The following ERBB4 variants were observed in gnomAD, a reference collection of about 807,000 sequenced individuals.
The protein encoded by ERBB4 is receptor tyrosine-protein kinase erbB-4.
ERBB4 carries 42 observed loss-of-function variants against 158.0 expected under a neutral mutation model. That is an observed-to-expected ratio of 0.27 (90% confidence interval 0.21 to 0.34). ERBB4 has a LOEUF of 0.34. Among genes scored for constraint, ERBB4 ranks in the 10% least tolerant of loss-of-function variants. The pLI, the probability that ERBB4 is intolerant of heterozygous loss-of-function variation, is 1.00. For synonymous variants in ERBB4, 583 were observed against 558.7 expected, an observed-to-expected ratio of 1.04 and a Z score of -0.61; for missense variants, 1,333 against 1,624.1, an observed-to-expected ratio of 0.82 and a Z score of 3.08.
Position 211,705,324 on chromosome 2 carries a change from T to C in ERBB4, c.1192A>G (p.Ile398Val), listed in dbSNP as rs780160217. 3 of 1,606,666 alleles carry C rather than the reference T, an allele frequency of 1.9e-6. No individual in the cohort carries two copies. The South Asian group carries it at 3.3e-5, about 18-fold the overall frequency. ...TTGCAGTTTAAAAAATTACCTGTTATCTCTCTGACTGTCCGAAAGACGTTC... is the reference window on the plus strand; with the variant it reads ...TTGCAGTTTAAAAAATTACCTGTTACCTCTCTGACTGTCCGAAAGACGTTC... ...KLNVFRTVRE[I>V]TGFLNIQSWP... The change falls in exon 10 of 28, where the codon ATA becomes GTA. Residue 398 changes from isoleucine to valine, a missense_variant. Physicochemically the swap from Ile to Val is conservative, Grantham distance 29. Coordinates refer to ENST00000342788, the MANE Select transcript of ERBB4 (RefSeq NM_005235.3).
At chr2:211,506,650 A>G (rs1221594278) in intron 20 of ERBB4, among the ~76,000 whole-genome samples, 2 of 152,084 alleles carry the variant, frequency 1.3e-5, no homozygotes, top group Non-Finnish European at 2.9e-5. Context: ...CTTATTTCTG[A>G]ATGACTTTTG....
chr2:211,424,338 A>G, intron 22 of ERBB4, 37 bp from the exon 23 acceptor site: 1 of 1,530,190 alleles, frequency 6.5e-7, no homozygotes. Flanking sequence ...AAGCATATTA[A>G]CAACATATGT....
intron 14 of ERBB4, among the ~76,000 whole-genome samples, chr2:211,671,658 C>T (rs2071844885): frequency 6.6e-6 from 1 of 152,016 alleles, no homozygotes; most frequent in Admixed American, 6.6e-5. Context: ...AGGGCCAAAT[C>T]CTTGATTATT....
In ERBB4 at chr2:211,496,974, C is replaced by T. The variant is rs114617677; in HGVS notation, c.2487+64929G>A. On this transcript the variant is annotated intron_variant, in intron 20 of 27. Transcript: ENST00000342788. ...TATATGTTTATGGTTTGTCTCCTAC[C>T]TCAAACATAAACTCCAAGAAGGAAG... 5.2e-3 allele frequency among the ~76,000 whole-genome samples: 792 copies of T among 152,138 alleles called. 3 individuals are homozygous for T. Among genetic ancestry groups the T allele is most frequent in the African/African-American group, 0.018 (749 of 41,528 alleles).
chr2:212,297,423 A>G (rs1271116727), intron 1 of ERBB4, among the ~76,000 whole-genome samples: 1 of 151,968 alleles, frequency 6.6e-6, no homozygotes, highest in Non-Finnish European at 1.5e-5. Context: ...GATTAAATCG[A>G]TGGTATATAT....
At chr2:211,616,998 C>T (rs2069415111) in intron 19 of ERBB4, among the ~76,000 whole-genome samples, 1 of 152,044 alleles carries the variant, frequency 6.6e-6, no homozygotes, top group Non-Finnish European at 1.5e-5. Context: ...CTTCAAGCTG[C>T]CATCTCCACT....
intron 3 of ERBB4, among the ~76,000 whole-genome samples, chr2:211,872,372 G>A (rs997601322): frequency 6.6e-6 from 1 of 152,146 alleles, no homozygotes; most frequent in Non-Finnish European, 1.5e-5. Flanking sequence ...GTGTACCTAT[G>A]TATGGTTTTG....
intron 3 of ERBB4, among the ~76,000 whole-genome samples, chr2:211,909,962 C>G (rs934387516): frequency 1.3e-5 from 2 of 151,702 alleles, no homozygotes; most frequent in African/African-American, 2.4e-5. Flanking sequence ...CTTGGTCACC[C>G]AGGCTGGAGT....
chr2:211,508,960 AAAAG>A (rs2065822180), intron 20 of ERBB4, among the ~76,000 whole-genome samples: 1 of 151,958 alleles, frequency 6.6e-6, no homozygotes, highest in African/African-American at 2.4e-5. Flanking sequence ...CAAAACAAAA[AAAAG>A]AAAATGTGTC....
intron 1 of ERBB4, among the ~76,000 whole-genome samples, chr2:212,447,774 T>TTGTGTGTGTGTGTG (rs3040357): frequency 3.9e-4 from 57 of 147,206 alleles, no homozygotes; most frequent in African/African-American, 8.7e-4. Flanking sequence ...TCATAAAAGA[T>TTGTGTGTGTGTGTG]TGTGTGTGTG....
intron 1 of ERBB4, among the ~76,000 whole-genome samples, chr2:212,271,960 C>T (rs568155530): frequency 9.4e-4 from 142 of 151,770 alleles, no homozygotes; most frequent in Non-Finnish European, 1.9e-3. Context: ...GAGTCCGGTT[C>T]TCTTATAAGG....
chr2:211,386,860 G>C lies in ERBB4; in HGVS notation c.3474C>G (p.Pro1158=), dbSNP rs2062694806. The part of the protein sequence containing the change: ...EGYMTPMRDK[P]KQEYLNPVEE... ...TGAATAATCAGTTCATACCTTGTTT[G>C]GGTTTGTCTCGCATAGGAGTCATGT... is the stretch of plus-strand genomic sequence containing the variant. Residue 1158 remains proline, a synonymous_variant, in exon 27 of 28, where the codon CCC becomes CCG. Coordinates refer to ENST00000342788, the MANE Select transcript of ERBB4 (RefSeq NM_005235.3). The C allele has an allele frequency of 6.2e-7, 1 of 1,614,032 alleles. No individual in the cohort carries two copies. Among genetic ancestry groups the C allele is most frequent in the Non-Finnish European group, 8.5e-7 (1 of 1,179,932 alleles).
At chr2:211,803,475 A>G (rs1575168765) in intron 3 of ERBB4, among the ~76,000 whole-genome samples, 1 of 152,162 alleles carries the variant, frequency 6.6e-6, no homozygotes, top group East Asian at 1.9e-4. Context: ...TTAATGGGTA[A>G]GGTGAGACAG....
At position 211,977,530 on chromosome 2, in the gene ERBB4, T is replaced by TAAAAAAAAA. The variant is rs1394107563; in HGVS notation, c.235-29915_235-29914insTTTTTTTTT. 7.9e-3 allele frequency among the ~76,000 whole-genome samples: 53 copies of TAAAAAAAAA among 6,686 alleles called. 1 individual carries two copies. The highest frequency in any genetic ancestry group is 0.014 in the Non-Finnish European group (50 of 3,476). The allele number at this position is 6,686 out of a possible 152,430, so 4.4% of individuals were successfully genotyped here. On this transcript the variant is annotated intron_variant, in intron 2 of 27. Transcript: ENST00000342788. ...GCCTTACTTTGTTAAGATATTGACT[T>TAAAAAAAAA]TAAAAAAAAAAAAAAAAAGTAACTT...
chr2:211,671,057 GT>G (rs1011393405), intron 14 of ERBB4, among the ~76,000 whole-genome samples: 5 of 152,010 alleles, frequency 3.3e-5, no homozygotes, highest in Non-Finnish European at 5.9e-5. Flanking sequence ...AAGCAGATTA[GT>G]TTTTTGTCTA....
intron 6 of ERBB4, 106 bp from the exon 7 acceptor site, chr2:211,722,640 T>C: frequency 8.6e-7 from 1 of 1,158,804 alleles, no homozygotes; most frequent in Non-Finnish European, 1.3e-6. Context: ...ATTCCACAAA[T>C]ATTACAAAAT....
chr2:212,035,381 C>G (rs1251009935), intron 2 of ERBB4, among the ~76,000 whole-genome samples: 2 of 152,160 alleles, frequency 1.3e-5, no homozygotes, highest in Admixed American at 6.5e-5. Flanking sequence ...TTTGCATCTG[C>G]TAGTTCTCTC....
chr2:212,224,207 TTCTC>T, intron 1 of ERBB4, among the ~76,000 whole-genome samples: 1 of 152,086 alleles, frequency 6.6e-6, no homozygotes, highest in Admixed American at 6.6e-5. Context: ...TATCAATTTC[TTCTC>T]TCTTTTTCAG....
At chr2:211,838,908 ATTTTC>A (rs1244866462) in intron 3 of ERBB4, among the ~76,000 whole-genome samples, 1 of 152,094 alleles carries the variant, frequency 6.6e-6, no homozygotes, top group Non-Finnish European at 1.5e-5. Context: ...AGGAAAAGCT[ATTTTC>A]TAAGCATCCT....
Sources: allele counts gnomAD v4.1 joint callset (sites outside exome capture counted in the v4.1 genomes callset), GRCh38; gene constraint gnomAD v4.1.1; transcripts MANE v1.5; gene names NCBI Gene and HGNC (gene_info 2026-07-23, HGNC 2026-07-21).